CFAP46: variants seen among roughly 807,000 people sequenced by gnomAD.
The protein encoded by CFAP46 is cilia- and flagella-associated protein 46.
CFAP46 carries 245 observed loss-of-function variants against 325.7 expected under a neutral mutation model. The ratio of observed to expected loss-of-function variants is 0.75; its 90% confidence interval spans 0.68 to 0.84. The LOEUF (loss-of-function observed/expected upper bound fraction) is 0.84. Among genes scored for constraint, CFAP46 ranks in the 40% least tolerant of loss-of-function variants. CFAP46 has a pLI of 0.00. For missense variants in CFAP46, 3,346 were observed against 3,543.0 expected, an observed-to-expected ratio of 0.94 and a Z score of 1.41; for synonymous variants, 1,523 against 1,495.9, an observed-to-expected ratio of 1.02 and a Z score of -0.42.
At chr10:132,822,192 ACTGTGTGCTGT>A (rs1268941490) in intron 50 of CFAP46, among the ~76,000 whole-genome samples, 3 of 81,170 alleles carry the variant, frequency 3.7e-5, no homozygotes, top group Non-Finnish European at 6.8e-5. Context: ...TGATGTGTGC[ACTGTGTGCTGT>A]GTGTGTGCTG....
chr10:132,928,828 G>A (rs141308383), intron 9 of CFAP46, among the ~76,000 whole-genome samples: 3 of 152,242 alleles, frequency 2.0e-5, no homozygotes, highest in South Asian at 2.1e-4. Flanking sequence ...TGAAAGCATC[G>A]GCAAACCTGA....
At position 132,866,184 on chromosome 10, in the gene CFAP46, G is replaced by GCAGC. The variant is rs1564784300; in HGVS notation, c.4744-17_4744-14dup. The GCAGC allele has an allele frequency of 6.7e-7, 1 of 1,501,140 alleles. No homozygotes were observed. The highest frequency in any genetic ancestry group is 8.9e-7 in the Non-Finnish European group (1 of 1,121,260). 93.0% of individuals were successfully genotyped at this position (1,501,140 alleles called of 1,614,324 possible). On this transcript the variant is annotated splice_polypyrimidine_tract_variant and intron_variant, in intron 34 of 57. Coordinates refer to ENST00000368586, the MANE Select transcript of CFAP46 (RefSeq NM_001200049.3). ...TCATCTTCAAAATCTGTAAGATACC[G>GCAGC]CAGCCCCAGGCGGCACGATCCTGAC...
rs1490344304 is a variant in CFAP46, at chr10:132,924,823, G to A, written c.1129C>T (p.Pro377Ser). Residue 377 changes from proline (P) to serine (S), a missense_variant, in exon 11 of 58, where the codon CCC becomes TCC. Physicochemically the swap from Pro to Ser is moderately conservative, Grantham distance 74 (BLOSUM62 -1). Transcript: ENST00000368586. ...ALQRAVRLGD[P>S]RVIHVVCATQ... is the part of the protein sequence containing the mutation. Reference sequence around the variant, plus strand: ...GCGCACACCACGTGGATGACCCGGGGGTCGCCCAGGCGCACGGCTCGCTGC... The same window carrying A: ...GCGCACACCACGTGGATGACCCGGGAGTCGCCCAGGCGCACGGCTCGCTGC... 1.4e-6 allele frequency: 2 copies of A among 1,462,088 alleles called. No individual in the cohort carries two copies. The highest frequency in any genetic ancestry group is 1.8e-6 in the Non-Finnish European group (2 of 1,102,392). 90.6% of individuals were successfully genotyped at this position (1,462,088 alleles called of 1,614,324 possible).
intron 50 of CFAP46, among the ~76,000 whole-genome samples, chr10:132,830,145 CTTTTT>C (rs1386446960): frequency 6.6e-6 from 1 of 150,960 alleles, no homozygotes; most frequent in Non-Finnish European, 1.5e-5. Flanking sequence ...TTTTTCTTTT[CTTTTT>C]TCTTTTTTTT....
Position 132,834,657 on chromosome 10 carries a change from G to C in CFAP46, c.6863C>G (p.Ala2288Gly). The C allele has an allele frequency of 6.2e-7, 1 of 1,613,294 alleles. No homozygotes were observed. The highest frequency in any genetic ancestry group is 2.2e-5 in the East Asian group (1 of 44,880). Residue 2288 changes from alanine (A) to glycine (G), a missense_variant, in exon 48 of 58, where the codon GCC becomes GGC. Physicochemically the swap from Ala to Gly is moderately conservative, Grantham distance 60. Transcript: ENST00000368586. Reference protein sequence around the residue: ...PLFPLLSLSKARVQTPAVVAD... With the variant: ...PLFPLLSLSKGRVQTPAVVAD... Reference sequence around the variant, plus strand: ...GCCTCAACGTCATCCCCAGTACCTGGCCTTGGAGAGGCTGAGCAGGGGGAA... The same window carrying C: ...GCCTCAACGTCATCCCCAGTACCTGCCCTTGGAGAGGCTGAGCAGGGGGAA...
intron 1 of CFAP46, 76 bp downstream of exon 1, chr10:132,942,360 G>T: frequency 7.6e-7 from 1 of 1,317,280 alleles, no homozygotes; most frequent in Non-Finnish European, 9.8e-7. Flanking sequence ...AGAGGGTCCG[G>T]GGCCTCCCCG....
chr10:132,854,918 AT>A (rs200920384), intron 39 of CFAP46, among the ~76,000 whole-genome samples: 54,354 of 151,612 alleles, frequency 0.36, 10,463 homozygotes, highest in Admixed American at 0.51. Flanking sequence ...ATCTTTTAAA[AT>A]TATTGAGACT....
rs533239656 is a variant in CFAP46 at position 132,869,014 on chromosome 10, T to C, written c.4610+260A>G. 9.9e-4 allele frequency among the ~76,000 whole-genome samples: 151 copies of C among 152,294 alleles called. No homozygotes were observed. In the Middle Eastern group the frequency reaches 0.01, roughly 10 times the overall value. On this transcript the variant is annotated intron_variant, in intron 33 of 57. Coordinates refer to ENST00000368586, the MANE Select transcript of CFAP46 (RefSeq NM_001200049.3). This position sits in a 1 kb window ranked among gnomAD's most constrained non-coding sequence, Gnocchi z 6.2. Reference sequence around the variant, plus strand: ...AGGGTCCAGGGCCCGGCAGCCAGCCTTTCTGTCCTCCGGGGAGGGGCTCGG... The same window carrying C: ...AGGGTCCAGGGCCCGGCAGCCAGCCCTTCTGTCCTCCGGGGAGGGGCTCGG...
chr10:132,864,699 C>G (rs1181182492), intron 35 of CFAP46, among the ~76,000 whole-genome samples: 12 of 52,042 alleles, frequency 2.3e-4, no homozygotes, highest in African/African-American at 1.3e-3. Context: ...ACCTGTCCCC[C>G]TGCCTGAGAC....
intron 36 of CFAP46, 32 bp downstream of exon 36, chr10:132,860,750 G>A (rs897258444): frequency 5.2e-6 from 8 of 1,546,410 alleles, no homozygotes; most frequent in East Asian, 2.4e-5. Flanking sequence ...CCCGGCACCC[G>A]ACATGCAGCC....
chr10:132,916,070 C>T (rs1460106631), intron 17 of CFAP46, among the ~76,000 whole-genome samples: 1 of 152,222 alleles, frequency 6.6e-6, no homozygotes, highest in African/African-American at 2.4e-5. Flanking sequence ...ACTAAATTTT[C>T]TTATTGACAC....
intron 27 of CFAP46, among the ~76,000 whole-genome samples, chr10:132,882,295 A>G (rs928929843): frequency 6.8e-5 from 10 of 146,276 alleles, no homozygotes; most frequent in South Asian, 4.4e-4. Flanking sequence ...TGTGTATGAG[A>G]TGTGGGTTAC....
At position 132,880,180 on chromosome 10, in the gene CFAP46, G is replaced by A. The variant is rs543397337; in HGVS notation, c.3800-549C>T. ...GGCTCTGCCGGCCTCTGCTCTTCAC[G>A]GCAGGACTGCCGAGCCACCCCATGG... On this transcript the variant is annotated intron_variant, in intron 28 of 57. Coordinates refer to ENST00000368586, the MANE Select transcript of CFAP46 (RefSeq NM_001200049.3). 3.7e-3 allele frequency among the ~76,000 whole-genome samples: 556 copies of A among 152,250 alleles called. 4 individuals are homozygous for A. The highest frequency in any genetic ancestry group is 0.013 in the African/African-American group (531 of 41,548).
At position 132,920,053 on chromosome 10, in the gene CFAP46, A is replaced by G. The variant is rs116450552; in HGVS notation, c.1730+6T>C. On this transcript the variant is annotated splice_donor_region_variant and intron_variant, in intron 14 of 57. Coordinates refer to ENST00000368586, the MANE Select transcript of CFAP46 (RefSeq NM_001200049.3). ...TGCGTGGCGCTCTGGCCTTTTCCTC[A>G]CTCACCTCTCCTTGTCGTTTTCGTT... The G allele has an allele frequency of 1.4e-3, 2,116 of 1,535,410 alleles. 29 individuals carry two copies. In the African/African-American group the frequency reaches 0.026, roughly 19 times the overall value.
chr10:132,812,134 G>A (rs1382303211), intron 55 of CFAP46, among the ~76,000 whole-genome samples: 4 of 152,218 alleles, frequency 2.6e-5, no homozygotes, highest in Non-Finnish European at 5.9e-5. Flanking sequence ...CTCGCCCTGC[G>A]GTGTCCGAGT....
chr10:132,869,264 C>A lies in CFAP46; in HGVS notation c.4610+10G>T. ...AAACCCCAGGCGGCGCAGGGTGGGACGGCACACACCTGGCCTGCTCCAGCT... is the reference window on the plus strand; with the variant it reads ...AAACCCCAGGCGGCGCAGGGTGGGAAGGCACACACCTGGCCTGCTCCAGCT... On this transcript the variant is annotated intron_variant, in intron 33 of 57. Transcript: ENST00000368586. This position sits in a 1 kb window ranked among gnomAD's most constrained non-coding sequence, Gnocchi z 6.2. 1 of 1,520,638 alleles carries A rather than the reference C, an allele frequency of 6.6e-7. No homozygotes were observed. The highest frequency in any genetic ancestry group is 8.8e-7 in the Non-Finnish European group (1 of 1,131,980). The allele number at this position is 1,520,638 out of a possible 1,614,324, so 94.2% of individuals were successfully genotyped here.
chr10:132,866,231 CG>C, intron 34 of CFAP46, 60 bp from the exon 35 acceptor site: 1 of 1,421,500 alleles, frequency 7.0e-7, no homozygotes, highest in South Asian at 1.6e-5. Flanking sequence ...CTGAGTCTCA[CG>C]GGACAGGCTC....
intron 47 of CFAP46, among the ~76,000 whole-genome samples, chr10:132,835,003 G>T (rs548032742): frequency 1.4e-3 from 216 of 152,388 alleles, no homozygotes; most frequent in South Asian, 4.1e-3. Context: ...CACCACGGAG[G>T]GTCCTGCCTG....
chr10:132,942,222 C>A, intron 1 of CFAP46, 118 bp from the exon 2 acceptor site: 1 of 1,373,080 alleles, frequency 7.3e-7, no homozygotes. Context: ...CAGCCACCGT[C>A]AGAACCTGTC....
Sources: allele counts gnomAD v4.1 joint callset (sites outside exome capture counted in the v4.1 genomes callset), GRCh38; gene constraint gnomAD v4.1.1; non-coding constraint Gnocchi (gnomAD v3.1); transcripts MANE v1.5; gene names NCBI Gene and HGNC (gene_info 2026-07-23, HGNC 2026-07-21).